The following YPEL2 variants were observed in gnomAD, a reference collection of about 807,000 sequenced individuals.
The protein encoded by YPEL2 is protein yippee-like 2.
In YPEL2, 2 loss-of-function variants were observed where a neutral mutation model predicts 19.1. The observed-to-expected ratio is 0.10, with a 90% CI of 0.04 to 0.33. The LOEUF (loss-of-function observed/expected upper bound fraction) is 0.33, where lower values mean the gene tolerates loss of function less well. Ranked by LOEUF, YPEL2 falls within the 10% of genes least tolerant of loss-of-function variation. The pLI is 1.00. For synonymous variants in YPEL2, 52 were observed against 50.0 expected, an observed-to-expected ratio of 1.04 and a Z score of -0.17; for missense variants, 66 against 140.7, an observed-to-expected ratio of 0.47 and a Z score of 2.68.
intron 1 of YPEL2, among the ~76,000 whole-genome samples, chr17:59,334,671 A>G (rs2047690485): frequency 6.6e-6 from 1 of 152,090 alleles, no homozygotes; most frequent in Admixed American, 6.6e-5. Context: ...TATTGGTAGG[A>G]TACATTTATT....
intron 3 of YPEL2, chr17:59,388,767 G>A: frequency 4.6e-6 from 1 of 217,740 alleles, no homozygotes; most frequent in East Asian, 1.1e-4. Context: ...TCGGGCAGAT[G>A]CACAGTTTCC....
At chr17:59,335,257 G>C (rs58842846) in intron 1 of YPEL2, among the ~76,000 whole-genome samples, 1,679 of 152,284 alleles carry the variant, frequency 0.011, 32 homozygotes, top group African/African-American at 0.038. Context: ...GGGAGCTGTG[G>C]ATATAGCACT....
intron 1 of YPEL2, among the ~76,000 whole-genome samples, chr17:59,343,943 G>A (rs564405327): frequency 6.6e-6 from 1 of 152,266 alleles, no homozygotes; most frequent in South Asian, 2.1e-4. Flanking sequence ...GGTGACTGAG[G>A]GTGGCAATGG....
At position 59,380,817 on chromosome 17, in the gene YPEL2, G is replaced by T. The variant is rs530926392; in HGVS notation, c.118-7510G>T. On this transcript the variant is annotated intron_variant, in intron 2 of 4. Coordinates refer to ENST00000312655, the MANE Select transcript of YPEL2 (RefSeq NM_001005404.4). ...GTGCTTTAAAAGCGGTGGATTCACA[G>T]AAAATTGTAACTGGAAAGTATCATT... is the stretch of plus-strand genomic sequence containing the variant. 7.9e-5 allele frequency among the ~76,000 whole-genome samples: 12 copies of T among 152,354 alleles called. No individual in the cohort carries two copies. In the East Asian group the frequency reaches 1.7e-3, roughly 22 times the overall value.
At chr17:59,343,927 G>T (rs372561051) in intron 1 of YPEL2, among the ~76,000 whole-genome samples, 4 of 152,192 alleles carry the variant, frequency 2.6e-5, no homozygotes, top group African/African-American at 9.7e-5. Context: ...TCACAGTGCT[G>T]CTGCTGGTGA....
intron 3 of YPEL2, chr17:59,389,079 G>T (rs1218167041): frequency 4.6e-6 from 2 of 439,162 alleles, no homozygotes; most frequent in Non-Finnish European, 4.2e-6. Context: ...CTAAGTCACA[G>T]ATTTAAAGTA....
chr17:59,381,496 ACT>A (rs1381912908), intron 2 of YPEL2, among the ~76,000 whole-genome samples: 4 of 152,130 alleles, frequency 2.6e-5, no homozygotes, highest in Non-Finnish European at 4.4e-5. Flanking sequence ...GGGGGAAGAA[ACT>A]CACACATTTG....
rs2047993300 is a variant in YPEL2, at chr17:59,388,697, A to ATATGGGT, written c.161+328_161+334dup. The ATATGGGT allele has an allele frequency of 2.6e-5, 9 of 340,088 alleles. No individual in the cohort carries two copies. The Admixed American group carries it at 3.5e-4, about 13-fold the overall frequency. 21.1% of individuals were successfully genotyped at this position (340,088 alleles called of 1,614,324 possible). A position where few individuals can be genotyped will look rare whatever the true frequency, so the allele number is the denominator to read the frequency against. On this transcript the variant is annotated intron_variant, in intron 3 of 4. Coordinates refer to ENST00000312655, the MANE Select transcript of YPEL2 (RefSeq NM_001005404.4). ...CTGAGATTTGTCACTGGGGAAGAGA[A>ATATGGGT]TATGGGTGAAAAAGACACCAAGATC... is the stretch of plus-strand genomic sequence containing the variant.
At chr17:59,385,362 T>A (rs1026471123) in intron 2 of YPEL2, among the ~76,000 whole-genome samples, 1 of 152,114 alleles carries the variant, frequency 6.6e-6, no homozygotes, top group Non-Finnish European at 1.5e-5. Context: ...GTGGATTGCT[T>A]GAGCTCAGGA....
chr17:59,387,644 C>T (rs1430684946), intron 2 of YPEL2, among the ~76,000 whole-genome samples: 3 of 152,134 alleles, frequency 2.0e-5, no homozygotes, highest in Non-Finnish European at 4.4e-5. Context: ...TTCCCTGCCG[C>T]CCTCCAGCCA....
intron 4 of YPEL2, among the ~76,000 whole-genome samples, chr17:59,392,611 A>G (rs1410272806): frequency 6.6e-6 from 1 of 151,080 alleles, no homozygotes; most frequent in Admixed American, 6.6e-5. Flanking sequence ...CCTGGGTTCA[A>G]GCAATTCTCC....
rs1273009792 is a variant in YPEL2 at position 59,353,380 on chromosome 17, C to T, written c.-30C>T. 1 of 1,519,458 alleles carries T rather than the reference C, an allele frequency of 6.6e-7. No homozygotes were observed. Among genetic ancestry groups the T allele is most frequent in the Non-Finnish European group, 8.9e-7 (1 of 1,117,854 alleles). The allele number at this position is 1,519,458 out of a possible 1,614,324, so 94.1% of individuals were successfully genotyped here. A position where few individuals can be genotyped will look rare whatever the true frequency, so the allele number is the denominator to read the frequency against. ...CTGTGGGAGTGCCTCGTGGGCTGCC[C>T]CAGAGTTCACCCCACACTCAGCAGC... On this transcript the variant is annotated 5_prime_UTR_variant, in exon 2 of 5. Transcript: ENST00000312655. The surrounding 1 kb of genome is among the most constrained non-coding windows in gnomAD (Gnocchi z 4.8).
intron 2 of YPEL2, among the ~76,000 whole-genome samples, chr17:59,386,063 C>T (rs1363113165): frequency 6.6e-6 from 1 of 152,162 alleles, no homozygotes; most frequent in Non-Finnish European, 1.5e-5. Flanking sequence ...TGGCTCATGC[C>T]TGTAATCCCA....
At chr17:59,394,410 C>A in intron 4 of YPEL2, among the ~76,000 whole-genome samples, 1 of 142,448 alleles carries the variant, frequency 7.0e-6, no homozygotes, top group Non-Finnish European at 1.5e-5. Context: ...ACATCTCAGA[C>A]GATGGGCGGC....
At chr17:59,349,461 A>G (rs960027838) in intron 1 of YPEL2, among the ~76,000 whole-genome samples, 64 of 147,746 alleles carry the variant, frequency 4.3e-4, no homozygotes, top group Non-Finnish European at 6.1e-4. Flanking sequence ...CAGCCTCTCG[A>G]GTAGCTGGGA....
chr17:59,356,295 G>A lies in YPEL2; in HGVS notation c.117+2769G>A, dbSNP rs147645130. 574 of 104,622 alleles carry A rather than the reference G, an allele frequency of 5.5e-3. 2 individuals are homozygous for A. The highest frequency in any genetic ancestry group is 0.025 in the African/African-American group (530 of 21,300). 6.5% of individuals were successfully genotyped at this position (104,622 alleles called of 1,614,324 possible). A position where few individuals can be genotyped will look rare whatever the true frequency, so the allele number is the denominator to read the frequency against. ...CCTTTCATCTGAAAGCTTGACATTC[G>A]TTTGGTGCAAAAAAAAAAAAAAAAG... On this transcript the variant is annotated intron_variant, in intron 2 of 4. Coordinates refer to ENST00000312655, the MANE Select transcript of YPEL2 (RefSeq NM_001005404.4).
At chr17:59,336,359 C>T (rs1426178087) in intron 1 of YPEL2, among the ~76,000 whole-genome samples, 1 of 152,188 alleles carries the variant, frequency 6.6e-6, no homozygotes, top group Non-Finnish European at 1.5e-5. Flanking sequence ...TTACCTACCC[C>T]AGTAACCTTA....
intron 2 of YPEL2, among the ~76,000 whole-genome samples, chr17:59,384,439 G>T (rs113521723): frequency 1.2e-3 from 188 of 152,096 alleles, no homozygotes; most frequent in African/African-American, 3.0e-3. Flanking sequence ...ATTTAAAATC[G>T]TGTTTTTTAA....
chr17:59,389,094 T>A, intron 3 of YPEL2: 1 of 489,542 alleles, frequency 2.0e-6, no homozygotes, highest in Non-Finnish European at 3.7e-6. Context: ...AAAGTATTTG[T>A]TAGAAAAATT....
Sources: allele counts gnomAD v4.1 joint callset (sites outside exome capture counted in the v4.1 genomes callset), GRCh38; gene constraint gnomAD v4.1.1; non-coding constraint Gnocchi (gnomAD v3.1); transcripts MANE v1.5; gene names NCBI Gene and HGNC (gene_info 2026-07-23, HGNC 2026-07-21).